NUP214: variants seen among roughly 807,000 people sequenced by gnomAD.
NUP214 encodes the protein nucleoporin 214.
A neutral mutation model predicts 196.2 loss-of-function variants in NUP214; 79 were observed. That is an observed-to-expected ratio of 0.40 (90% CI 0.34 to 0.49). NUP214 has a LOEUF of 0.49. Ranked by LOEUF, NUP214 falls within the 20% of genes least tolerant of loss-of-function variation. The pLI is 0.58. For missense variants in NUP214, 2,468 were observed against 2,539.0 expected (o/e 0.97, Z 0.60); for synonymous variants, 1,020 against 990.5 (o/e 1.03, Z -0.56).
intron 25 of NUP214, 102 bp from the exon 26 acceptor site, chr9:131,188,951 C>T: frequency 2.4e-6 from 2 of 836,004 alleles, no homozygotes; most frequent in Non-Finnish European, 3.9e-6. Context: ...TTTGTCCTTG[C>T]TTATTTTAAA....
At chr9:131,179,903 T>G (rs993902053) in intron 24 of NUP214, among the ~76,000 whole-genome samples, 4 of 152,218 alleles carry the variant, frequency 2.6e-5, no homozygotes, top group Non-Finnish European at 5.9e-5. Flanking sequence ...GTTTGGGAAT[T>G]GTAGCCAGAT....
In NUP214 at chr9:131,232,163, TGGTGGAGGCACGGA is replaced by T. The variant is rs1278441647; in HGVS notation, c.6215-118_6215-105del. 1.1e-5 allele frequency: 10 copies of T among 935,924 alleles called. No homozygotes were observed. Among genetic ancestry groups the T allele is most frequent in the Non-Finnish European group, 1.8e-5 (10 of 564,846 alleles). The allele number at this position is 935,924 out of a possible 1,614,324, so 58.0% of individuals were successfully genotyped here. On this transcript the variant is annotated intron_variant, in intron 34 of 35. Transcript: ENST00000359428. This position sits in a 1 kb window ranked among gnomAD's most constrained non-coding sequence, Gnocchi z 5.1. The stretch of plus-strand genomic sequence containing the variant: ...TGTACCTTTCCTGCCTTCCTGTAGG[TGGTGGAGGCACGGA>T]GGGCTTCCCACAAGAAGCACAGAGG...
intron 19 of NUP214, chr9:131,163,436 G>A: frequency 2.2e-6 from 1 of 447,446 alleles, no homozygotes; most frequent in Non-Finnish European, 4.0e-6. Flanking sequence ...ATATATCATA[G>A]CAAGTGATAC....
chr9:131,184,715 A>T (rs1252541373), intron 24 of NUP214, among the ~76,000 whole-genome samples: 1 of 152,204 alleles, frequency 6.6e-6, no homozygotes, highest in Non-Finnish European at 1.5e-5. Context: ...TTAGCATCTA[A>T]ACATTCATGC....
At chr9:131,141,056 G>A (rs1343834530) in intron 11 of NUP214, among the ~76,000 whole-genome samples, 1 of 151,108 alleles carries the variant, frequency 6.6e-6, no homozygotes, top group Non-Finnish European at 1.5e-5. Context: ...AGAAATGATT[G>A]TATAGTCTTA....
rs1349845556 is a variant in NUP214, at chr9:131,150,623, A to G, written c.2135A>G (p.His712Arg). 2 of 1,611,874 alleles carry G rather than the reference A, an allele frequency of 1.2e-6. No individual in the cohort carries two copies. The highest frequency in any genetic ancestry group is 8.5e-7 in the Non-Finnish European group (1 of 1,179,362). The change falls in exon 16 of 36, where the codon CAC becomes CGC. Residue 712 changes from histidine to arginine, a missense_variant. Transcript: ENST00000359428. The part of the protein sequence containing the change: ...VMAGIGEEIA[H>R]FQKELEELKA... ...CACTTGTGGCTTCTACAGATTGCACACTTTCAGAAGGAGTTGGAAGAGTTA... is the reference window on the plus strand; with the variant it reads ...CACTTGTGGCTTCTACAGATTGCACGCTTTCAGAAGGAGTTGGAAGAGTTA...
intron 17 of NUP214, among the ~76,000 whole-genome samples, chr9:131,154,700 A>G (rs1435439158): frequency 2.6e-5 from 4 of 152,228 alleles, no homozygotes; most frequent in African/African-American, 9.6e-5. Flanking sequence ...CTGCTCATAA[A>G]TGAGAACAAA....
chr9:131,144,160 T>G (rs958128500), intron 11 of NUP214, 120 bp from the exon 12 acceptor site: 4 of 811,178 alleles, frequency 4.9e-6, no homozygotes, highest in Non-Finnish European at 8.1e-6. Flanking sequence ...TCTTTTTGCT[T>G]CTTAAACTAG....
intron 5 of NUP214, among the ~76,000 whole-genome samples, chr9:131,132,115 C>CTTTTTTTT (rs142450352): frequency 1.0e-4 from 11 of 108,170 alleles, no homozygotes; most frequent in Non-Finnish European, 1.6e-4. Context: ...CTTTTCTTTT[C>CTTTTTTTT]TTTCTTTTTT....
rs911703123 is a variant in NUP214, at chr9:131,228,506, C to T, written c.6074+175C>T. On this transcript the variant is annotated intron_variant, in intron 33 of 35. Coordinates refer to ENST00000359428, the MANE Select transcript of NUP214 (RefSeq NM_005085.4). ...TCTCCAGGGTAAGACTCATTTCGTT[C>T]AAGCCAGGCTTTGTTGAATTCATGG... 1.3e-5 allele frequency: 7 copies of T among 559,968 alleles called. No homozygotes were observed. In the South Asian group the frequency reaches 2.1e-4, roughly 16 times the overall value. 34.7% of individuals were successfully genotyped at this position (559,968 alleles called of 1,614,324 possible).
chr9:131,210,750 C>A (rs1834218672), intron 30 of NUP214, among the ~76,000 whole-genome samples: 1 of 151,610 alleles, frequency 6.6e-6, no homozygotes, highest in African/African-American at 2.4e-5. Context: ...AACTCGAAGA[C>A]GTATCAATAG....
At chr9:131,170,871 C>T (rs999251802) in intron 21 of NUP214, among the ~76,000 whole-genome samples, 10 of 151,890 alleles carry the variant, frequency 6.6e-5, no homozygotes, top group Non-Finnish European at 2.9e-5. Flanking sequence ...GTAAAAGTGT[C>T]GTGTAGCTCT....
rs138859324 is a variant in NUP214 at position 131,133,451 on chromosome 9, C to T, written c.831+242C>T. ...TTCTGAGTAGCTGGTACTACAGGTG[C>T]ACACCACTATGCCTGGCTAATTTTT... On this transcript the variant is annotated intron_variant, in intron 7 of 35. Transcript: ENST00000359428. Among the ~76,000 whole-genome samples the T allele has an allele frequency of 8.0e-4, 121 of 151,948 alleles. 2 individuals are homozygous for T. Among genetic ancestry groups the T allele is most frequent in the Non-Finnish European group, 1.1e-3 (77 of 67,942 alleles).
intron 23 of NUP214, among the ~76,000 whole-genome samples, chr9:131,176,950 C>T (rs1031841461): frequency 3.9e-5 from 6 of 152,032 alleles, no homozygotes; most frequent in African/African-American, 1.4e-4. Flanking sequence ...AAAAAAAAAT[C>T]TTTAAAATGC....
rs377558587 is a variant in NUP214 at position 131,174,179 on chromosome 9, C to A, written c.3018C>A (p.Asp1006Glu). ...ATGCACGGACGTCCTGTAAAGATGA[C>A]GAGGCAGTGGTTCAGGCCCCTCGGC... Reference protein sequence around the residue: ...SEDARTSCKDDEAVVQAPRHA... With the variant: ...SEDARTSCKDEEAVVQAPRHA... Residue 1006 changes from aspartate to glutamate, a missense_variant, in exon 22 of 36, where the codon GAC (aspartate) becomes GAA (glutamate). Asp to Glu is a conservative substitution (Grantham distance 45). Around this residue, in one of 5 missense-constraint regions of NUP214, gnomAD observed 1,801 missense variants for 1,779.4 expected, o/e 1.01. Coordinates refer to ENST00000359428, the MANE Select transcript of NUP214 (RefSeq NM_005085.4). 1 of 1,613,826 alleles carries A rather than the reference C, an allele frequency of 6.2e-7. No individual in the cohort carries two copies. The highest frequency in any genetic ancestry group is 1.1e-5 in the South Asian group (1 of 91,052).
chr9:131,151,632 A>G (rs1832268910), intron 16 of NUP214, 104 bp from the exon 17 acceptor site: 2 of 782,386 alleles, frequency 2.6e-6, no homozygotes, highest in South Asian at 4.1e-5. Context: ...TCAGATGTTC[A>G]TTCTGTTCAG....
intron 26 of NUP214, chr9:131,189,911 A>G (rs150210664): frequency 1.6e-4 from 24 of 154,168 alleles, no homozygotes; most frequent in African/African-American, 5.0e-4. Flanking sequence ...ATTTGTTTCA[A>G]TCATGCTCTT....
intron 31 of NUP214, 189 bp from the exon 32 acceptor site, chr9:131,222,589 C>T: frequency 1.9e-6 from 1 of 531,880 alleles, no homozygotes; most frequent in Non-Finnish European, 3.2e-6. Context: ...TGATTAAAAA[C>T]TTCCCAGCAA....
intron 32 of NUP214, among the ~76,000 whole-genome samples, chr9:131,225,825 G>A (rs2131101117): frequency 6.6e-6 from 1 of 152,306 alleles, no homozygotes; most frequent in South Asian, 2.1e-4. Flanking sequence ...ATGGGTCTTT[G>A]AAAAATTCCA....
Sources: allele counts gnomAD v4.1 joint callset (sites outside exome capture counted in the v4.1 genomes callset), GRCh38; gene constraint gnomAD v4.1.1; regional missense constraint gnomAD v4.1.1; non-coding constraint Gnocchi (gnomAD v3.1); transcripts MANE v1.5; gene names NCBI Gene and HGNC (gene_info 2026-07-23, HGNC 2026-07-21).